HSPBAP1: variants seen among roughly 807,000 people sequenced by gnomAD.
HSPBAP1 encodes HSPB1 associated protein 1, also known as HSPB1-associated protein 1.
In HSPBAP1, 27 loss-of-function variants were observed where a neutral mutation model predicts 45.2. The ratio of observed to expected loss-of-function variants is 0.60; its 90% CI spans 0.44 to 0.82. HSPBAP1 has a LOEUF of 0.82. Ranked by LOEUF, HSPBAP1 falls within the 40% of genes least tolerant of loss-of-function variation. HSPBAP1 has a pLI of 0.00. For synonymous variants in HSPBAP1, 204 were observed against 202.7 expected (o/e 1.01, Z -0.06); for missense variants, 510 against 590.9 (o/e 0.86, Z 1.42).
intron 5 of HSPBAP1, chr3:122,754,999 T>G: frequency 8.7e-7 from 1 of 1,144,238 alleles, no homozygotes; most frequent in African/African-American, 1.6e-5. Flanking sequence ...GTAGACTGTC[T>G]TCCTCCAAAG....
chr3:122,752,388 C>T (rs1353770777), intron 6 of HSPBAP1, among the ~76,000 whole-genome samples: 4 of 152,104 alleles, frequency 2.6e-5, no homozygotes, highest in African/African-American at 9.7e-5. Context: ...AAGAGAGTGG[C>T]ACACCACTAA....
intron 1 of HSPBAP1, among the ~76,000 whole-genome samples, chr3:122,787,767 G>A (rs1488221756): frequency 1.3e-5 from 2 of 152,178 alleles, no homozygotes; most frequent in Non-Finnish European, 2.9e-5. Context: ...GACCATTTGG[G>A]TCATGTTAGA....
At chr3:122,743,711 T>C (rs1933751596) in intron 6 of HSPBAP1, among the ~76,000 whole-genome samples, 1 of 152,246 alleles carries the variant, frequency 6.6e-6, no homozygotes, top group South Asian at 2.1e-4. Context: ...TATATATGTG[T>C]GCATATGTGT....
intron 6 of HSPBAP1, chr3:122,741,346 G>T: frequency 5.6e-6 from 3 of 535,850 alleles, no homozygotes; most frequent in South Asian, 2.5e-5. Context: ...CTATCTATAA[G>T]TCATGGCCTT....
intron 3 of HSPBAP1, among the ~76,000 whole-genome samples, chr3:122,764,364 T>C (rs1408348759): frequency 6.6e-6 from 1 of 152,206 alleles, no homozygotes; most frequent in Non-Finnish European, 1.5e-5. Flanking sequence ...GGCTTCTAGT[T>C]AATCAGTGTA....
In HSPBAP1 at chr3:122,768,777, T is replaced by C. The variant is rs1934876893; in HGVS notation, c.356A>G (p.Asp119Gly). 6 of 1,611,980 alleles carry C rather than the reference T, an allele frequency of 3.7e-6. No individual in the cohort carries two copies. The African/African-American group carries it at 4.0e-5, about 11-fold the overall frequency. ...AGCATAAGCCCAGAACTTGGAATGG[T>C]CATAATCTCTAAATGGTCCAGAAAT... ...SSISGPFRDY[D>G]HSKFWAYADY... The change falls in exon 3 of 8, where the codon GAC becomes GGC. Residue 119 changes from aspartate (D) to glycine (G), a missense_variant. Asp to Gly is a moderately conservative substitution (Grantham distance 94). Transcript: ENST00000306103.
At chr3:122,788,656 C>A (rs572249890) in intron 1 of HSPBAP1, among the ~76,000 whole-genome samples, 1 of 152,198 alleles carries the variant, frequency 6.6e-6, no homozygotes, top group South Asian at 2.1e-4. Context: ...CATGGATGAA[C>A]CTTGAAGACA....
chr3:122,746,150 G>A (rs931686798), intron 6 of HSPBAP1, among the ~76,000 whole-genome samples: 1 of 152,084 alleles, frequency 6.6e-6, no homozygotes, highest in Non-Finnish European at 1.5e-5. Context: ...AAGCTTATGT[G>A]AGGAAAACTT....
At chr3:122,774,709 G>C (rs79942552) in intron 2 of HSPBAP1, among the ~76,000 whole-genome samples, 1 of 152,202 alleles carries the variant, frequency 6.6e-6, no homozygotes. Context: ...GAGAGACAGC[G>C]AGCAGGGTAA....
At chr3:122,790,384 C>T (rs1165716164) in intron 1 of HSPBAP1, among the ~76,000 whole-genome samples, 1 of 152,152 alleles carries the variant, frequency 6.6e-6, no homozygotes, top group South Asian at 2.1e-4. Context: ...GGTATCCTCA[C>T]CTGGCTCATC....
chr3:122,747,598 C>T (rs565625883), intron 6 of HSPBAP1, among the ~76,000 whole-genome samples: 6 of 148,888 alleles, frequency 4.0e-5, no homozygotes, highest in East Asian at 4.1e-4. Context: ...GTCAGCGCCC[C>T]GCCCGGCCAG....
intron 1 of HSPBAP1, among the ~76,000 whole-genome samples, chr3:122,780,594 G>A (rs75250823): frequency 0.55 from 73,497 of 134,776 alleles, 20,512 homozygotes; most frequent in Non-Finnish European, 0.63. Context: ...GCGGCTGGCC[G>A]GGCGGGGGGC....
At chr3:122,755,658 CT>C (rs1350082330) in intron 4 of HSPBAP1, among the ~76,000 whole-genome samples, 31 of 150,734 alleles carry the variant, frequency 2.1e-4, no homozygotes, top group Non-Finnish European at 4.0e-4. Context: ...TCATGGATGT[CT>C]CAGGACATCC....
chr3:122,746,306 T>C (rs1173494326), intron 6 of HSPBAP1, among the ~76,000 whole-genome samples: 1 of 150,826 alleles, frequency 6.6e-6, no homozygotes, highest in Non-Finnish European at 1.5e-5. Flanking sequence ...GGTTTTTTTT[T>C]TTTTTCCTAA....
At chr3:122,747,454 G>T (rs1263807551) in intron 6 of HSPBAP1, among the ~76,000 whole-genome samples, 1 of 151,548 alleles carries the variant, frequency 6.6e-6, no homozygotes, top group Non-Finnish European at 1.5e-5. Flanking sequence ...GAGCGTCTCC[G>T]CCCGGCCAGC....
intron 1 of HSPBAP1, among the ~76,000 whole-genome samples, chr3:122,781,400 C>A (rs985917402): frequency 5.9e-5 from 9 of 152,044 alleles, no homozygotes; most frequent in African/African-American, 2.2e-4. Flanking sequence ...CAAAAAAATA[C>A]GAAAACCAGT....
chr3:122,781,053 A>T (rs1279368482), intron 1 of HSPBAP1, among the ~76,000 whole-genome samples: 11 of 138,342 alleles, frequency 8.0e-5, no homozygotes, highest in African/African-American at 2.0e-4. Flanking sequence ...CGGGCAGAGA[A>T]GCTCCTCACT....
chr3:122,750,583 C>T (rs1367954558), intron 6 of HSPBAP1, among the ~76,000 whole-genome samples: 1 of 150,424 alleles, frequency 6.6e-6, no homozygotes, highest in Admixed American at 6.6e-5. Flanking sequence ...ATTCTAGCTA[C>T]ATCACTGAAA....
chr3:122,780,871 C>G (rs569130087), intron 1 of HSPBAP1, among the ~76,000 whole-genome samples: 1 of 90,392 alleles, frequency 1.1e-5, no homozygotes, highest in South Asian at 4.4e-4. Context: ...CCTCACCTCC[C>G]AGACGGGGTC....
Sources: gnomAD v4.1 joint callset for allele counts (sites outside exome capture counted in the v4.1 genomes callset) on GRCh38, gnomAD v4.1.1 for gene constraint, MANE v1.5 for transcripts, NCBI Gene and HGNC (gene_info 2026-07-23, HGNC 2026-07-21) for gene names.